Variants in YPEL2 observed in about 807,000 individuals in gnomAD.
YPEL2 encodes the protein yippee like 2, also known as protein yippee-like 2.
In YPEL2, 2 loss-of-function variants were observed where a neutral mutation model predicts 19.1. The ratio of observed to expected loss-of-function variants is 0.10; its 90% confidence interval spans 0.04 to 0.33. The LOEUF is 0.33. Among genes scored for constraint, YPEL2 ranks in the 10% least tolerant of loss-of-function variants. The pLI, the probability that YPEL2 is intolerant of heterozygous loss-of-function variation, is 1.00. For synonymous variants in YPEL2, 52 were observed against 50.0 expected, an observed-to-expected ratio of 1.04 and a Z score of -0.17; for missense variants, 66 against 140.7, an observed-to-expected ratio of 0.47 and a Z score of 2.68.
Position 59,331,731 on chromosome 17 carries a change from C to G in YPEL2, c.-289C>G, listed in dbSNP as rs1429904408. On this transcript the variant is annotated 5_prime_UTR_variant, in exon 1 of 5. Transcript: ENST00000312655. ...GGAGACTGTGGCTTTAAGAGCGTGC[C>G]GGGAGCCCGAGCCCCAGCCGGGCCG... 1 of 152,184 alleles carries G rather than the reference C, an allele frequency of 6.6e-6. No individual in the cohort carries two copies. Among genetic ancestry groups the G allele is most frequent in the Non-Finnish European group, 1.5e-5 (1 of 68,078 alleles). 9.4% of individuals were successfully genotyped at this position (152,184 alleles called of 1,614,324 possible). A position where few individuals can be genotyped will look rare whatever the true frequency, so the allele number is the denominator to read the frequency against.
At chr17:59,332,883 G>C (rs915110197) in intron 1 of YPEL2, among the ~76,000 whole-genome samples, 12 of 152,176 alleles carry the variant, frequency 7.9e-5, no homozygotes, top group African/African-American at 2.9e-4. Context: ...GGAGGCTCTT[G>C]AGTGAGTCCT....
At chr17:59,387,619 C>A (rs1042253333) in intron 2 of YPEL2, among the ~76,000 whole-genome samples, 4 of 152,142 alleles carry the variant, frequency 2.6e-5, no homozygotes, top group African/African-American at 9.7e-5. Flanking sequence ...CAGGCTCTGG[C>A]TCCTGTTTCT....
Position 59,353,496 on chromosome 17 carries a change from C to T in YPEL2, c.87C>T (p.His29=). The T allele has an allele frequency of 6.2e-7, 1 of 1,614,160 alleles. No homozygotes were observed. Among genetic ancestry groups the T allele is most frequent in the Non-Finnish European group, 8.5e-7 (1 of 1,179,968 alleles). The change falls in exon 2 of 5, where the codon CAC becomes CAT. Residue 29 remains histidine (H), a synonymous_variant. Transcript: ENST00000312655. This position sits in a 1 kb window ranked among gnomAD's most constrained non-coding sequence, Gnocchi z 4.8. The stretch of plus-strand genomic sequence containing the variant: ...ACAGCTGCATTCACTGCAGAGCTCA[C>T]TTGGCCAATCATGATGAACTAATTT... ...RTYSCIHCRA[H]LANHDELISK...
intron 1 of YPEL2, among the ~76,000 whole-genome samples, chr17:59,343,716 C>T (rs2047742643): frequency 1.3e-5 from 2 of 152,084 alleles, no homozygotes; most frequent in Admixed American, 6.5e-5. Flanking sequence ...GAGAGTTGGA[C>T]CCAGGCTCTT....
chr17:59,387,257 TAAAAAAAAAAA>T (rs373789547), intron 2 of YPEL2, among the ~76,000 whole-genome samples: 2 of 77,588 alleles, frequency 2.6e-5, no homozygotes, highest in South Asian at 4.6e-4. Context: ...AGACTCCATC[TAAAAAAAAAAA>T]AAAAAAAAAA....
intron 2 of YPEL2, among the ~76,000 whole-genome samples, chr17:59,364,026 T>A (rs191471829): frequency 6.6e-6 from 1 of 152,320 alleles, no homozygotes; most frequent in East Asian, 1.9e-4. Context: ...TCTGTAGAAC[T>A]CACTCTCTGG....
chr17:59,362,567 A>G (rs904362582), intron 2 of YPEL2: 1 of 152,162 alleles, frequency 6.6e-6, no homozygotes, highest in Non-Finnish European at 1.5e-5. Context: ...TAAATACCAA[A>G]AGGAAATGTT....
chr17:59,361,025 T>A (rs1320204108), intron 2 of YPEL2, among the ~76,000 whole-genome samples: 1 of 152,042 alleles, frequency 6.6e-6, no homozygotes, highest in Non-Finnish European at 1.5e-5. Context: ...AGAGATGAGG[T>A]TTCACTGTGT....
intron 2 of YPEL2, among the ~76,000 whole-genome samples, chr17:59,379,856 T>TTTTTGTTTTGTTTTG (rs138395997): frequency 0.052 from 7,791 of 149,284 alleles, 544 homozygotes; most frequent in African/African-American, 0.15. Flanking sequence ...AAGTTTGGGG[T>TTTTTGTTTTGTTTTG]TTTTGTTTTG....
intron 1 of YPEL2, among the ~76,000 whole-genome samples, chr17:59,349,867 G>T (rs1448636753): frequency 6.6e-6 from 1 of 151,672 alleles, no homozygotes; most frequent in Non-Finnish European, 1.5e-5. Context: ...CACCATATTG[G>T]CCAGGATGGT....
intron 2 of YPEL2, among the ~76,000 whole-genome samples, chr17:59,359,670 ACAAAAACCAT>A (rs1264367879): frequency 6.6e-6 from 1 of 152,232 alleles, no homozygotes; most frequent in Non-Finnish European, 1.5e-5. Context: ...AATGATTTTT[ACAAAAACCAT>A]ACTCGAATAA....
At chr17:59,352,934 T>C (rs1454569031) in intron 1 of YPEL2, among the ~76,000 whole-genome samples, 5 of 152,156 alleles carry the variant, frequency 3.3e-5, no homozygotes, top group Admixed American at 6.5e-5. Flanking sequence ...CCTGATGTTA[T>C]CTAGGGCTGC....
intron 2 of YPEL2, chr17:59,355,904 G>A (rs1453162410): frequency 6.6e-6 from 1 of 152,192 alleles, no homozygotes; most frequent in Non-Finnish European, 1.5e-5. Context: ...TGATTTAAAG[G>A]GTTGGGTGAA....
chr17:59,336,381 G>A (rs182793334), intron 1 of YPEL2, among the ~76,000 whole-genome samples: 4 of 152,136 alleles, frequency 2.6e-5, no homozygotes, highest in East Asian at 3.9e-4. Context: ...TCTAGGCCTC[G>A]CTGTTTGTTT....
At chr17:59,331,958 C>T (rs2047671979) in intron 1 of YPEL2, 134 bp downstream of exon 1, 1 of 151,490 alleles carries the variant, frequency 6.6e-6, no homozygotes. Context: ...GGTGCGGCGC[C>T]CTCGGTTCCG....
chr17:59,374,318 T>G (rs1194244500), intron 2 of YPEL2, among the ~76,000 whole-genome samples: 1 of 152,232 alleles, frequency 6.6e-6, no homozygotes, highest in African/African-American at 2.4e-5. Context: ...TGCCCATGTC[T>G]CTTTCATAAG....
chr17:59,349,870 A>G (rs895755396), intron 1 of YPEL2, among the ~76,000 whole-genome samples: 12 of 152,078 alleles, frequency 7.9e-5, no homozygotes, highest in African/African-American at 2.7e-4. Context: ...CATATTGGCC[A>G]GGATGGTCTC....
intron 1 of YPEL2, among the ~76,000 whole-genome samples, chr17:59,341,349 A>G (rs1026413770): frequency 1.6e-4 from 24 of 146,158 alleles, no homozygotes; most frequent in African/African-American, 5.4e-4. Context: ...CGGAGATCGC[A>G]CCACTGCACT....
chr17:59,332,266 C>G (rs979759651), intron 1 of YPEL2, among the ~76,000 whole-genome samples: 4 of 152,144 alleles, frequency 2.6e-5, no homozygotes, highest in African/African-American at 9.6e-5. Flanking sequence ...CCGCGTTTCC[C>G]TCGGAGAGTC....
Sources: allele counts gnomAD v4.1 joint callset (sites outside exome capture counted in the v4.1 genomes callset), GRCh38; gene constraint gnomAD v4.1.1; non-coding constraint Gnocchi (gnomAD v3.1); transcripts MANE v1.5; gene names NCBI Gene and HGNC (gene_info 2026-07-23, HGNC 2026-07-21).